The following STK31 variants were observed in gnomAD, a reference collection of about 807,000 sequenced individuals.
STK31 encodes the protein serine/threonine kinase 31.
Under a neutral mutation model 129.7 loss-of-function variants are expected in STK31, and 89 were observed. That is an observed-to-expected ratio of 0.69 (90% CI 0.58 to 0.82). STK31 has a LOEUF of 0.82. Ranked by LOEUF, STK31 falls within the 40% of genes least tolerant of loss-of-function variation. STK31 has a pLI of 0.00. For missense variants in STK31, 1,187 were observed against 1,176.4 expected (o/e 1.01, Z -0.13); for synonymous variants, 448 against 395.3 (o/e 1.13, Z -1.58).
chr7:23,711,009 A>T (rs1785920983), intron 1 of STK31, among the ~76,000 whole-genome samples: 1 of 152,168 alleles, frequency 6.6e-6, no homozygotes, highest in Non-Finnish European at 1.5e-5. Flanking sequence ...CTTACGAAAA[A>T]TTTTTTTAAA....
chr7:23,724,189 C>CT (rs1477497942), intron 4 of STK31, among the ~76,000 whole-genome samples: 1 of 152,096 alleles, frequency 6.6e-6, no homozygotes, highest in African/African-American at 2.4e-5. Context: ...GAACTCAAGG[C>CT]TTTATGTTGT....
At chr7:23,786,714 G>C in intron 19 of STK31, 81 bp downstream of exon 19, 1 of 1,556,678 alleles carries the variant, frequency 6.4e-7, no homozygotes, top group Admixed American at 1.9e-5. Flanking sequence ...TTTAGCTCCA[G>C]GTTTTAGAGC....
intron 23 of STK31, among the ~76,000 whole-genome samples, chr7:23,821,497 C>A (rs910975838): frequency 3.3e-5 from 5 of 152,080 alleles, no homozygotes; most frequent in Admixed American, 3.3e-4. Flanking sequence ...CCTTTGCCCA[C>A]TTTTTAATGG....
At chr7:23,712,731 G>T (rs951516709) in intron 3 of STK31, among the ~76,000 whole-genome samples, 1 of 151,954 alleles carries the variant, frequency 6.6e-6, no homozygotes, top group African/African-American at 2.4e-5. Flanking sequence ...TTGGAAGCAT[G>T]AATGAAACAT....
chr7:23,813,931 C>T (rs943283770), intron 22 of STK31, among the ~76,000 whole-genome samples: 1 of 151,858 alleles, frequency 6.6e-6, no homozygotes, highest in African/African-American at 2.4e-5. Context: ...CCTGTGGCCT[C>T]GTTGGTGTCT....
chr7:23,769,273 A>C, intron 12 of STK31, 99 bp downstream of exon 12: 2 of 1,144,104 alleles, frequency 1.7e-6, no homozygotes, highest in Non-Finnish European at 2.3e-6. Context: ...TCATCTACCT[A>C]CTATGTATCA....
chr7:23,762,722 G>C, intron 10 of STK31, 79 bp from the exon 11 acceptor site: 1 of 1,514,840 alleles, frequency 6.6e-7, no homozygotes, highest in Non-Finnish European at 8.9e-7. Context: ...TAATTTTGGA[G>C]ATCACTTTTT....
At position 23,727,282 on chromosome 7, in the gene STK31, A is replaced by G. The variant is rs759045412; in HGVS notation, c.291A>G (p.Arg97=). 7.4e-6 allele frequency: 12 copies of G among 1,613,650 alleles called. No individual in the cohort carries two copies. The highest frequency in any genetic ancestry group is 4.4e-5 in the South Asian group (4 of 91,060). ...TTTCTGAAGATCAGTGTTGGTACAG[A>G]TGCAAAGTACTGAAAATCATCAGCG... ...GLFSEDQCWY[R]CKVLKIISVE... Residue 97 remains arginine, a synonymous_variant, in exon 5 of 24, where the codon AGA becomes AGG. Transcript: ENST00000355870.
intron 7 of STK31, 89 bp from the exon 8 acceptor site, chr7:23,736,815 G>A: frequency 1.9e-6 from 2 of 1,029,102 alleles, no homozygotes; most frequent in Non-Finnish European, 1.3e-6. Context: ...GATATATTGT[G>A]GCATAAAAGG....
intron 3 of STK31, among the ~76,000 whole-genome samples, chr7:23,716,879 C>T (rs375483259): frequency 9.7e-4 from 144 of 148,612 alleles, no homozygotes; most frequent in African/African-American, 3.3e-3. Context: ...ATTGCAGTCT[C>T]GAACTTCTGG....
intron 4 of STK31, among the ~76,000 whole-genome samples, chr7:23,720,757 T>A (rs1252129612): frequency 6.6e-6 from 1 of 152,128 alleles, no homozygotes; most frequent in Non-Finnish European, 1.5e-5. Flanking sequence ...TTCATAAAAT[T>A]TGTGGGATTT....
chr7:23,772,321 A>G (rs982660356), intron 15 of STK31, 43 bp downstream of exon 15: 6 of 1,579,240 alleles, frequency 3.8e-6, no homozygotes, highest in Admixed American at 2.0e-5. Flanking sequence ...TGTGCATCTC[A>G]TTTTACTTGG....
At chr7:23,809,616 A>C (rs946196116) in intron 22 of STK31, among the ~76,000 whole-genome samples, 2 of 152,162 alleles carry the variant, frequency 1.3e-5, no homozygotes, top group Non-Finnish European at 2.9e-5. Flanking sequence ...TTTATGTCTT[A>C]TTAATAGTGT....
At chr7:23,734,677 G>A (rs1787614365) in intron 6 of STK31, among the ~76,000 whole-genome samples, 1 of 152,106 alleles carries the variant, frequency 6.6e-6, no homozygotes, top group Admixed American at 6.6e-5. Flanking sequence ...AGTTTTGAAT[G>A]TAGAAGGCCA....
chr7:23,737,761 G>T (rs1317232209), intron 8 of STK31, among the ~76,000 whole-genome samples: 1 of 151,982 alleles, frequency 6.6e-6, no homozygotes, highest in Non-Finnish European at 1.5e-5. Context: ...CTGGATTCTT[G>T]ATCTCCACGT....
intron 10 of STK31, among the ~76,000 whole-genome samples, chr7:23,761,851 G>A (rs7791433): frequency 0.21 from 12,356 of 57,792 alleles, 1,331 homozygotes; most frequent in Middle Eastern, 0.31. Context: ...GTTTTATAAT[G>A]TATTTTATAG....
chr7:23,743,015 C>A (rs1038820178), intron 8 of STK31, among the ~76,000 whole-genome samples: 1 of 149,752 alleles, frequency 6.7e-6, no homozygotes, highest in Non-Finnish European at 1.5e-5. Context: ...TGCAATGGCA[C>A]GGTCTTGGCT....
intron 3 of STK31, among the ~76,000 whole-genome samples, chr7:23,713,355 A>T (rs1786097595): frequency 6.6e-6 from 1 of 152,220 alleles, no homozygotes; most frequent in Non-Finnish European, 1.5e-5. Flanking sequence ...GCAGGATTAG[A>T]AATTGCTTTG....
At chr7:23,818,098 T>G (rs1167232209) in intron 23 of STK31, among the ~76,000 whole-genome samples, 1 of 152,122 alleles carries the variant, frequency 6.6e-6, no homozygotes, top group East Asian at 1.9e-4. Flanking sequence ...CCTAATTGTC[T>G]TAAATATATT....
Sources: gnomAD v4.1 joint callset for allele counts (sites outside exome capture counted in the v4.1 genomes callset) on GRCh38, gnomAD v4.1.1 for gene constraint, MANE v1.5 for transcripts, NCBI Gene and HGNC (gene_info 2026-07-23, HGNC 2026-07-21) for gene names.